The following CADM1 variants were observed in gnomAD, a reference collection of about 807,000 sequenced individuals.
CADM1 encodes the protein TSLC-1.
Under a neutral mutation model 53.1 loss-of-function variants are expected in CADM1, and 15 were observed. The observed-to-expected ratio is 0.28, with a 90% CI of 0.19 to 0.44. The LOEUF (loss-of-function observed/expected upper bound fraction) is 0.44. CADM1 is among the 20% of genes least tolerant of loss of function. CADM1 has a pLI of 1.00. For missense variants in CADM1, 434 were observed against 611.3 expected, an observed-to-expected ratio of 0.71 and a Z score of 3.06; for synonymous variants, 281 against 243.0, an observed-to-expected ratio of 1.16 and a Z score of -1.45.
intron 1 of CADM1, among the ~76,000 whole-genome samples, chr11:115,263,286 T>C (rs149497841): frequency 6.6e-6 from 1 of 152,340 alleles, no homozygotes; most frequent in African/African-American, 2.4e-5. Flanking sequence ...ATCCTCACAA[T>C]GAGGGGAATT....
Position 115,455,856 on chromosome 11 carries a change from G to A in CADM1, c.124+48415C>T, listed in dbSNP as rs574089004. 3.9e-5 allele frequency among the ~76,000 whole-genome samples: 6 copies of A among 152,244 alleles called. No homozygotes were observed. The South Asian group carries it at 1.2e-3, about 32-fold the overall frequency. On this transcript the variant is annotated intron_variant, in intron 1 of 11. Coordinates refer to ENST00000331581, the MANE Select transcript of CADM1 (RefSeq NM_001301043.2). ...GATCAAGTTGACAGCAGCGTGTTGC[G>A]TGCTCTGCATTCTTATTTGGAAATG... is the stretch of plus-strand genomic sequence containing the variant.
rs1040958872 is a variant in CADM1 at position 115,293,151 on chromosome 11, G to A, written c.125-52731C>T. On this transcript the variant is annotated intron_variant, in intron 1 of 11. Transcript: ENST00000331581. Reference sequence around the variant, plus strand: ...TTTTTTTATAGCTAAAAGATCCAGGGCCGGGTGACGGTGACTCACGCCTGT... The same window carrying A: ...TTTTTTTATAGCTAAAAGATCCAGGACCGGGTGACGGTGACTCACGCCTGT... Among the ~76,000 whole-genome samples, 5 of 152,140 alleles carry A rather than the reference G, an allele frequency of 3.3e-5. No individual in the cohort carries two copies. The East Asian group carries it at 5.8e-4, about 18-fold the overall frequency.
chr11:115,423,930 T>A (rs530210518), intron 1 of CADM1, among the ~76,000 whole-genome samples: 1 of 152,334 alleles, frequency 6.6e-6, no homozygotes, highest in Admixed American at 6.5e-5. Flanking sequence ...ACAGCAACTC[T>A]ATATACTGAC....
At chr11:115,386,358 T>G (rs1297450224) in intron 1 of CADM1, among the ~76,000 whole-genome samples, 2 of 152,232 alleles carry the variant, frequency 1.3e-5, no homozygotes, top group Admixed American at 1.3e-4. Flanking sequence ...TATTTTTAAG[T>G]CTTATTGTTA....
intron 1 of CADM1, among the ~76,000 whole-genome samples, chr11:115,438,276 A>G (rs1333419680): frequency 6.6e-6 from 1 of 152,120 alleles, no homozygotes; most frequent in African/African-American, 2.4e-5. Context: ...CTATTCCTGA[A>G]TAGGGTTTCC....
At chr11:115,234,202 C>T (rs552806588) in intron 3 of CADM1, among the ~76,000 whole-genome samples, 1 of 152,334 alleles carries the variant, frequency 6.6e-6, no homozygotes, top group African/African-American at 2.4e-5. Context: ...ACCTTCACTA[C>T]CTCGTTCATC....
At chr11:115,276,628 A>C (rs1303216512) in intron 1 of CADM1, among the ~76,000 whole-genome samples, 1 of 152,216 alleles carries the variant, frequency 6.6e-6, no homozygotes. Context: ...TCATTACATC[A>C]TAAAACTCTG....
intron 1 of CADM1, among the ~76,000 whole-genome samples, chr11:115,354,436 T>A (rs1330977491): frequency 6.6e-6 from 1 of 152,146 alleles, no homozygotes; most frequent in Non-Finnish European, 1.5e-5. Context: ...CTGATATTCT[T>A]AAGACCTGGA....
rs377185985 is a variant in CADM1 at position 115,225,777 on chromosome 11, C to T, written c.721+3336G>A. 1.5e-4 allele frequency among the ~76,000 whole-genome samples: 23 copies of T among 152,092 alleles called. No individual in the cohort carries two copies. The East Asian group carries it at 2.1e-3, about 14-fold the overall frequency. ...AAGTAAGATATTTAATGACATATAA[C>T]GCAGGTTTTCATTATTTCATTTCCT... On this transcript the variant is annotated intron_variant, in intron 5 of 11. Coordinates refer to ENST00000331581, the MANE Select transcript of CADM1 (RefSeq NM_001301043.2).
At chr11:115,266,416 C>T (rs1349651230) in intron 1 of CADM1, among the ~76,000 whole-genome samples, 2 of 152,164 alleles carry the variant, frequency 1.3e-5, no homozygotes. Flanking sequence ...TGCTGGAGTG[C>T]CATGTCTGCA....
intron 1 of CADM1, among the ~76,000 whole-genome samples, chr11:115,444,264 C>A (rs1948396442): frequency 2.0e-5 from 3 of 151,976 alleles, no homozygotes; most frequent in South Asian, 4.1e-4. Context: ...AGAAAAATAT[C>A]TCTATAAAAA....
At chr11:115,309,956 T>A (rs887070869) in intron 1 of CADM1, among the ~76,000 whole-genome samples, 1 of 152,140 alleles carries the variant, frequency 6.6e-6, no homozygotes, top group Non-Finnish European at 1.5e-5. Flanking sequence ...GGGTTTACTG[T>A]TGTTCTTTAG....
At chr11:115,178,111 A>C (rs1332349032) in intron 11 of CADM1, among the ~76,000 whole-genome samples, 1 of 152,242 alleles carries the variant, frequency 6.6e-6, no homozygotes, top group Non-Finnish European at 1.5e-5. Context: ...AATTGCACTG[A>C]TAATTTTAAA....
chr11:115,190,423 C>T (rs562732827), intron 10 of CADM1, among the ~76,000 whole-genome samples: 1 of 152,068 alleles, frequency 6.6e-6, no homozygotes, highest in African/African-American at 2.4e-5. Flanking sequence ...CCCTTCCCCA[C>T]CCCTGACTTC....
At chr11:115,354,805 C>T (rs1945821743) in intron 1 of CADM1, among the ~76,000 whole-genome samples, 1 of 152,130 alleles carries the variant, frequency 6.6e-6, no homozygotes, top group Non-Finnish European at 1.5e-5. Flanking sequence ...AGATAACTGT[C>T]TCCAGAGTGT....
chr11:115,492,764 T>G (rs1384384645), intron 1 of CADM1, among the ~76,000 whole-genome samples: 1 of 152,148 alleles, frequency 6.6e-6, no homozygotes. Context: ...GGAGAGAAAG[T>G]ACCCTCAGAT....
At chr11:115,376,750 G>A (rs2135141612) in intron 1 of CADM1, among the ~76,000 whole-genome samples, 1 of 152,278 alleles carries the variant, frequency 6.6e-6, no homozygotes, top group Non-Finnish European at 1.5e-5. Flanking sequence ...TGAAGCTCTT[G>A]TCTGAAGCAG....
chr11:115,293,191 G>A (rs531466574), intron 1 of CADM1, among the ~76,000 whole-genome samples: 1 of 152,326 alleles, frequency 6.6e-6, no homozygotes, highest in Non-Finnish European at 1.5e-5. Flanking sequence ...CCAGCATTTT[G>A]GGAGGCCAAG....
chr11:115,408,217 G>A (rs1319758826), intron 1 of CADM1, among the ~76,000 whole-genome samples: 1 of 152,204 alleles, frequency 6.6e-6, no homozygotes, highest in Admixed American at 6.5e-5. Flanking sequence ...CACTGGAAAT[G>A]AGAATGGAAT....
Sources: allele counts gnomAD v4.1 joint callset (sites outside exome capture counted in the v4.1 genomes callset), GRCh38; gene constraint gnomAD v4.1.1; transcripts MANE v1.5; gene names NCBI Gene and HGNC (gene_info 2026-07-23, HGNC 2026-07-21).